Variants in CCDC6 observed in about 807,000 individuals in gnomAD.
The protein encoded by CCDC6 is coiled-coil domain-containing protein 6.
Under a neutral mutation model 56.6 loss-of-function variants are expected in CCDC6, and 20 were observed. The ratio of observed to expected loss-of-function variants is 0.35; its 90% confidence interval spans 0.25 to 0.51. The LOEUF (loss-of-function observed/expected upper bound fraction) is 0.51, where lower values mean the gene tolerates loss of function less well. Among genes scored for constraint, CCDC6 ranks in the 20% least tolerant of loss-of-function variants. The pLI, the probability that CCDC6 is intolerant of heterozygous loss-of-function variation, is 0.95. For missense variants in CCDC6, 367 were observed against 601.1 expected (o/e 0.61, Z 4.07); for synonymous variants, 241 against 234.4 (o/e 1.03, Z -0.26).
At chr10:59,889,867 G>A (rs368236178) in intron 1 of CCDC6, among the ~76,000 whole-genome samples, 150 of 152,292 alleles carry the variant, frequency 9.8e-4, no homozygotes, top group African/African-American at 3.2e-3. Context: ...TGTGGGAGCA[G>A]CGTTCTGCTC....
chr10:59,793,217 A>C, intron 8 of CCDC6, 106 bp from the exon 9 acceptor site: 1 of 818,374 alleles, frequency 1.2e-6, no homozygotes, highest in Non-Finnish European at 1.9e-6. Flanking sequence ...TAACCAACAA[A>C]GACAAGAAAC....
chr10:59,816,752 G>T (rs2070712401), intron 3 of CCDC6, among the ~76,000 whole-genome samples: 1 of 152,146 alleles, frequency 6.6e-6, no homozygotes, highest in African/African-American at 2.4e-5. Flanking sequence ...CCTCCACAAT[G>T]TAAGTCCTAC....
chr10:59,862,126 G>A (rs1458974819), intron 1 of CCDC6, among the ~76,000 whole-genome samples: 2 of 152,064 alleles, frequency 1.3e-5, no homozygotes, highest in Non-Finnish European at 2.9e-5. Context: ...TGAAACTGAA[G>A]GATACTTATA....
chr10:59,855,785 A>T (rs1304586886), intron 1 of CCDC6, among the ~76,000 whole-genome samples: 1 of 152,194 alleles, frequency 6.6e-6, no homozygotes, highest in African/African-American at 2.4e-5. Context: ...CTTGATTTTT[A>T]AAAAAGGACT....
At chr10:59,871,181 T>C (rs7920331) in intron 1 of CCDC6, among the ~76,000 whole-genome samples, 37,690 of 151,662 alleles carry the variant, frequency 0.25, 5,395 homozygotes, top group African/African-American at 0.4. Flanking sequence ...TAAACATGTA[T>C]AAGTATTATG....
rs370152570 is a variant in CCDC6, at chr10:59,877,312, T to A, written c.304-24610A>T. On this transcript the variant is annotated intron_variant, in intron 1 of 8. Coordinates refer to ENST00000263102, the MANE Select transcript of CCDC6 (RefSeq NM_005436.5). ...TGTAAAGTTTGAAACAAGAGTAGGA[T>A]GTCTGCGATCATCAATATGACTCAA... Among the ~76,000 whole-genome samples, 87 of 152,310 alleles carry A rather than the reference T, an allele frequency of 5.7e-4. 2 individuals are homozygous for A. In the South Asian group the frequency reaches 0.018, roughly 31 times the overall value.
At chr10:59,829,051 T>A (rs2070812909) in intron 3 of CCDC6, among the ~76,000 whole-genome samples, 2 of 152,214 alleles carry the variant, frequency 1.3e-5, no homozygotes, top group South Asian at 4.1e-4. Context: ...TCAAGGCCTA[T>A]GAAAAGAATG....
At chr10:59,887,564 G>A (rs949231210) in intron 1 of CCDC6, among the ~76,000 whole-genome samples, 3 of 151,098 alleles carry the variant, frequency 2.0e-5, no homozygotes, top group East Asian at 3.9e-4. Context: ...TATCATATAC[G>A]CCACCTTTTG....
chr10:59,871,783 G>C (rs1297194571), intron 1 of CCDC6, among the ~76,000 whole-genome samples: 1 of 152,028 alleles, frequency 6.6e-6, no homozygotes, highest in Non-Finnish European at 1.5e-5. Flanking sequence ...CTTGTGAGGG[G>C]GCAGGGGATC....
intron 4 of CCDC6, among the ~76,000 whole-genome samples, chr10:59,814,163 A>C (rs964712836): frequency 2.6e-5 from 4 of 152,208 alleles, no homozygotes; most frequent in African/African-American, 9.7e-5. Flanking sequence ...CATTTTATAT[A>C]AAGAATCCTA....
At chr10:59,883,572 G>C (rs918854349) in intron 1 of CCDC6, among the ~76,000 whole-genome samples, 1 of 152,162 alleles carries the variant, frequency 6.6e-6, no homozygotes, top group African/African-American at 2.4e-5. Flanking sequence ...GCTGATGACA[G>C]GGAAAAACTT....
intron 7 of CCDC6, among the ~76,000 whole-genome samples, chr10:59,796,135 C>A (rs1221489922): frequency 6.6e-6 from 1 of 152,132 alleles, no homozygotes; most frequent in East Asian, 1.9e-4. Flanking sequence ...CTCTCCAGCA[C>A]CTGTTGTTTC....
intron 7 of CCDC6, among the ~76,000 whole-genome samples, chr10:59,796,970 C>CA (rs56723229): frequency 0.023 from 2,767 of 119,920 alleles, 69 homozygotes; most frequent in African/African-American, 0.059. Context: ...GATTCCATCT[C>CA]AAAAAAAAAA....
At chr10:59,832,895 A>G (rs1363127279) in intron 2 of CCDC6, among the ~76,000 whole-genome samples, 2 of 152,230 alleles carry the variant, frequency 1.3e-5, no homozygotes, top group Non-Finnish European at 2.9e-5. Flanking sequence ...GCTACCTTTC[A>G]GGTTTTATAC....
intron 1 of CCDC6, among the ~76,000 whole-genome samples, chr10:59,858,132 AG>A (rs1318296375): frequency 2.6e-5 from 4 of 152,194 alleles, no homozygotes; most frequent in African/African-American, 4.8e-5. Flanking sequence ...CCGGTGCAGC[AG>A]GGGTAGGTAA....
chr10:59,896,837 G>T lies in CCDC6; in HGVS notation c.303+9285C>A, dbSNP rs1392503444. Reference sequence around the variant, plus strand: ...GTTAAAATGGTGAATTATATGTTGTGTATGTTTTTATCACAAAAAAAAATG... The same window carrying T: ...GTTAAAATGGTGAATTATATGTTGTTTATGTTTTTATCACAAAAAAAAATG... On this transcript the variant is annotated intron_variant, in intron 1 of 8. Coordinates refer to ENST00000263102, the MANE Select transcript of CCDC6 (RefSeq NM_005436.5). 6.6e-5 allele frequency among the ~76,000 whole-genome samples: 10 copies of T among 152,150 alleles called. No individual in the cohort carries two copies. In the East Asian group the frequency reaches 1.5e-3, roughly 24 times the overall value.
At chr10:59,857,077 C>T (rs1030281838) in intron 1 of CCDC6, among the ~76,000 whole-genome samples, 6 of 152,170 alleles carry the variant, frequency 3.9e-5, no homozygotes, top group African/African-American at 1.4e-4. Flanking sequence ...TTGCCCCTCA[C>T]CGAGCAGTAA....
Position 59,815,310 on chromosome 10 carries a change from G to C in CCDC6, c.583-555C>G, listed in dbSNP as rs571006176. Among the ~76,000 whole-genome samples, 176 of 152,296 alleles carry C rather than the reference G, an allele frequency of 1.2e-3. 1 individual carries two copies. Among genetic ancestry groups the C allele is most frequent in the Non-Finnish European group, 1.5e-4 (10 of 68,024 alleles). On this transcript the variant is annotated intron_variant, in intron 3 of 8. Coordinates refer to ENST00000263102, the MANE Select transcript of CCDC6 (RefSeq NM_005436.5). ...TACTCTAGGTTACTCTAAGGATTTA[G>C]GGAAGGAAGAAAATTTGATTTGGGG...
chr10:59,879,255 C>A (rs555805106), intron 1 of CCDC6, among the ~76,000 whole-genome samples: 1 of 152,166 alleles, frequency 6.6e-6, no homozygotes, highest in African/African-American at 2.4e-5. Flanking sequence ...AATATACTTC[C>A]TGTTCAGAAC....
Sources: allele counts gnomAD v4.1 joint callset (sites outside exome capture counted in the v4.1 genomes callset), GRCh38; gene constraint gnomAD v4.1.1; transcripts MANE v1.5; gene names NCBI Gene and HGNC (gene_info 2026-07-23, HGNC 2026-07-21).